ATP13A5: variants seen among roughly 807,000 people sequenced by gnomAD.
The protein encoded by ATP13A5 is probable cation-transporting ATPase 13A5.
ATP13A5 carries 149 observed loss-of-function variants against 150.2 expected under a neutral mutation model. The ratio of observed to expected loss-of-function variants is 0.99; its 90% CI spans 0.87 to 1.14. The LOEUF (loss-of-function observed/expected upper bound fraction) is 1.14, where lower values mean the gene tolerates loss of function less well. Among genes scored for constraint, ATP13A5 ranks in the 50% most tolerant of loss-of-function variants. ATP13A5 has a pLI of 0.00. For missense variants in ATP13A5, 1,383 were observed against 1,449.3 expected (o/e 0.95, Z 0.74); for synonymous variants, 497 against 522.2 (o/e 0.95, Z 0.66).
chr3:193,290,254 G>T (rs2886980), intron 25 of ATP13A5, among the ~76,000 whole-genome samples, 195 bp from the exon 26 acceptor site: 58,691 of 151,846 alleles, frequency 0.39, 11,708 homozygotes, highest in East Asian at 0.62. Flanking sequence ...TCCATGCTCT[G>T]TCTTCACCTT....
At chr3:193,326,896 T>C in intron 13 of ATP13A5, 100 bp downstream of exon 13, 2 of 1,002,228 alleles carry the variant, frequency 2.0e-6, no homozygotes, top group Non-Finnish European at 3.1e-6. Flanking sequence ...ATTGTATATA[T>C]TTTATGTGAC....
At chr3:193,333,960 T>C in intron 10 of ATP13A5, 53 bp from the exon 11 acceptor site, 1 of 1,550,796 alleles carries the variant, frequency 6.4e-7, no homozygotes, top group Non-Finnish European at 8.8e-7. Flanking sequence ...ACACTTGGTC[T>C]CCTAAAAATG....
chr3:193,347,743 C>T (rs1020104343), intron 7 of ATP13A5, among the ~76,000 whole-genome samples: 12 of 152,160 alleles, frequency 7.9e-5, no homozygotes, highest in African/African-American at 2.4e-4. Flanking sequence ...GTCCCTAGGA[C>T]GTCCACTCCG....
intron 7 of ATP13A5, among the ~76,000 whole-genome samples, chr3:193,350,742 A>T (rs924177700): frequency 2.6e-5 from 4 of 152,180 alleles, no homozygotes; most frequent in African/African-American, 4.8e-5. Context: ...CACAGTTGAG[A>T]TGCTACCCCT....
intron 27 of ATP13A5, among the ~76,000 whole-genome samples, chr3:193,280,229 A>G (rs1717423760): frequency 6.6e-6 from 1 of 151,566 alleles, no homozygotes. Context: ...TTTTTTTTGT[A>G]TTTTCCATAG....
chr3:193,288,407 C>T (rs946251805), intron 26 of ATP13A5, among the ~76,000 whole-genome samples: 3 of 152,132 alleles, frequency 2.0e-5, no homozygotes, highest in Non-Finnish European at 2.9e-5. Flanking sequence ...CAACCTTCAA[C>T]AACCACTACC....
chr3:193,283,419 G>GA (rs5855477), intron 27 of ATP13A5, among the ~76,000 whole-genome samples: 3 of 151,962 alleles, frequency 2.0e-5, no homozygotes, highest in Non-Finnish European at 2.9e-5. Context: ...CAATCCAACA[G>GA]AAAAAAAATA....
At position 193,354,074 on chromosome 3, in the gene ATP13A5, A is replaced by G. The variant is rs1712679987; in HGVS notation, c.606+53T>C. The G allele has an allele frequency of 4.8e-6, 7 of 1,456,326 alleles. No homozygotes were observed. The South Asian group carries it at 6.2e-5, about 13-fold the overall frequency. 90.2% of individuals were successfully genotyped at this position (1,456,326 alleles called of 1,614,324 possible). A position where few individuals can be genotyped will look rare whatever the true frequency, so the allele number is the denominator to read the frequency against. Reference sequence around the variant, plus strand: ...TATGTGTTCCTTCTAGGAAGTAAGAAGTAAGGGGCAGAAATCTATTTTTTC... The same window carrying G: ...TATGTGTTCCTTCTAGGAAGTAAGAGGTAAGGGGCAGAAATCTATTTTTTC... On this transcript the variant is annotated intron_variant, in intron 6 of 29. Transcript: ENST00000342358.
At chr3:193,363,175 AAC>A in intron 3 of ATP13A5, 59 bp downstream of exon 3, 1 of 1,526,726 alleles carries the variant, frequency 6.5e-7, no homozygotes, top group African/African-American at 1.4e-5. Flanking sequence ...TCATTTAATA[AAC>A]AGTTATTTTA....
intron 9 of ATP13A5, among the ~76,000 whole-genome samples, chr3:193,340,698 G>C (rs1310007977): frequency 2.6e-5 from 4 of 152,164 alleles, no homozygotes; most frequent in Non-Finnish European, 5.9e-5. Context: ...ACAAGCCTAG[G>C]TTCTGGGGAC....
At chr3:193,307,544 G>C in intron 21 of ATP13A5, 175 bp from the exon 22 acceptor site, 1 of 722,298 alleles carries the variant, frequency 1.4e-6, no homozygotes, top group Non-Finnish European at 2.3e-6. Flanking sequence ...AGAGGGAAAA[G>C]GCAGTTGCGT....
At chr3:193,377,642 G>A (rs1175471580) in intron 1 of ATP13A5, among the ~76,000 whole-genome samples, 1 of 152,146 alleles carries the variant, frequency 6.6e-6, no homozygotes, top group Admixed American at 6.5e-5. Flanking sequence ...TAGCAAACAG[G>A]GATAGGTGGA....
At chr3:193,354,092 A>G in intron 6 of ATP13A5, 35 bp downstream of exon 6, 1 of 1,521,866 alleles carries the variant, frequency 6.6e-7, no homozygotes, top group South Asian at 1.2e-5. Flanking sequence ...GCAGAAATCT[A>G]TTTTTTCAAA....
intron 1 of ATP13A5, among the ~76,000 whole-genome samples, chr3:193,370,391 A>AT (rs1713398228): frequency 6.6e-6 from 1 of 152,136 alleles, no homozygotes; most frequent in Non-Finnish European, 1.5e-5. Flanking sequence ...ACCAGCTGTG[A>AT]TTTAAACTTG....
At chr3:193,327,132 A>C (rs1719494810) in intron 12 of ATP13A5, 75 bp from the exon 13 acceptor site, 1 of 1,335,482 alleles carries the variant, frequency 7.5e-7, no homozygotes, top group African/African-American at 1.5e-5. Flanking sequence ...ACAAAACCCA[A>C]GTTTCTAAGA....
chr3:193,328,605 C>T (rs916724809), intron 12 of ATP13A5, among the ~76,000 whole-genome samples: 8 of 152,066 alleles, frequency 5.3e-5, no homozygotes, highest in African/African-American at 1.9e-4. Context: ...ATAAAACTAA[C>T]CATAAATAGA....
intron 7 of ATP13A5, among the ~76,000 whole-genome samples, chr3:193,350,492 C>G (rs991762518): frequency 6.6e-6 from 1 of 152,052 alleles, no homozygotes; most frequent in South Asian, 2.1e-4. Flanking sequence ...AGAATCAAAC[C>G]TAATTTTTTC....
Position 193,310,725 on chromosome 3 carries a change from G to A in ATP13A5, c.2446-8C>T, listed in dbSNP as rs1560126410. The stretch of plus-strand genomic sequence containing the variant: ...TGTTCCATTCACCAGAATCTAAAAA[G>A]AAAAAACAACCATTGCAATATGATT... On this transcript the variant is annotated splice_region_variant and splice_polypyrimidine_tract_variant and intron_variant, in intron 20 of 29. Coordinates refer to ENST00000342358, the MANE Select transcript of ATP13A5 (RefSeq NM_198505.4). The A allele has an allele frequency of 1.9e-6, 3 of 1,592,542 alleles. No homozygotes were observed. Among genetic ancestry groups the A allele is most frequent in the African/African-American group, 1.4e-5 (1 of 73,502 alleles).
At chr3:193,293,230 C>T (rs1718036860) in intron 25 of ATP13A5, among the ~76,000 whole-genome samples, 1 of 152,072 alleles carries the variant, frequency 6.6e-6, no homozygotes, top group African/African-American at 2.4e-5. Flanking sequence ...CCCTGCAATA[C>T]AAGCTTGGAC....
Sources: gnomAD v4.1 joint callset for allele counts (sites outside exome capture counted in the v4.1 genomes callset) on GRCh38, gnomAD v4.1.1 for gene constraint, MANE v1.5 for transcripts, NCBI Gene and HGNC (gene_info 2026-07-23, HGNC 2026-07-21) for gene names.